SEPTIN9: variants seen among roughly 807,000 people sequenced by gnomAD.
SEPTIN9 encodes the protein septin-9.
SEPTIN9 carries 13 observed loss-of-function variants against 56.6 expected under a neutral mutation model. That is an observed-to-expected ratio of 0.23 (90% CI 0.15 to 0.37). The LOEUF (loss-of-function observed/expected upper bound fraction) is 0.37. Among genes scored for constraint, SEPTIN9 ranks in the 10% least tolerant of loss-of-function variants. SEPTIN9 has a pLI of 1.00. For missense variants in SEPTIN9, 650 were observed against 823.1 expected (o/e 0.79, Z 2.57); for synonymous variants, 332 against 334.1 (o/e 0.99, Z 0.07).
intron 2 of SEPTIN9, among the ~76,000 whole-genome samples, chr17:77,333,478 C>T (rs1378199171): frequency 1.3e-5 from 2 of 152,346 alleles, no homozygotes; most frequent in South Asian, 2.1e-4. Flanking sequence ...CCTCCTGCCT[C>T]TGCCTCCCCA....
chr17:77,376,441 C>A, intron 2 of SEPTIN9: 1 of 970,596 alleles, frequency 1.0e-6, no homozygotes, highest in Non-Finnish European at 1.2e-6. Flanking sequence ...CTCCTTACAG[C>A]GCTGGGATGG....
Position 77,319,990 on chromosome 17 carries a change from G to C in SEPTIN9, c.76+12793G>C, listed in dbSNP as rs367749793. 5 of 1,231,582 alleles carry C rather than the reference G, an allele frequency of 4.1e-6. No individual in the cohort carries two copies. The highest frequency in any genetic ancestry group is 7.9e-5 in the Admixed American group (2 of 25,468). The allele number at this position is 1,231,582 out of a possible 1,614,324, so 76.3% of individuals were successfully genotyped here. A position where few individuals can be genotyped will look rare whatever the true frequency, so the allele number is the denominator to read the frequency against. On this transcript the variant is annotated intron_variant, in intron 2 of 11. Coordinates refer to ENST00000427177, the MANE Select transcript of SEPTIN9 (RefSeq NM_001113491.2). The surrounding 1 kb of genome is among the most constrained non-coding windows in gnomAD (Gnocchi z 5.3). The stretch of plus-strand genomic sequence containing the variant: ...CTCTGGGACTCTCGCAGGCAGACCC[G>C]GTGGTCTGCCGGACTCCTCGGGGCC...
At chr17:77,460,375 G>A (rs763465286) in intron 3 of SEPTIN9, among the ~76,000 whole-genome samples, 2 of 152,112 alleles carry the variant, frequency 1.3e-5, no homozygotes, top group African/African-American at 2.4e-5. Context: ...GGTGCTCCCC[G>A]AGGACTGCTG....
rs1344268325 is a variant in SEPTIN9, at chr17:77,499,530, G to T, written c.*872G>T. The T allele has an allele frequency of 2.2e-6, 1 of 464,374 alleles. No individual in the cohort carries two copies. The highest frequency in any genetic ancestry group is 1.9e-5 in the African/African-American group (1 of 51,716). The allele number at this position is 464,374 out of a possible 1,614,324, so 28.8% of individuals were successfully genotyped here. On this transcript the variant is annotated 3_prime_UTR_variant, in exon 12 of 12. Coordinates refer to ENST00000427177, the MANE Select transcript of SEPTIN9 (RefSeq NM_001113491.2). ...AGTCTGGTGGAGGAGCTGAGGGAGGGAGCCATGGAAGGTGCCAGAAGGAAG... is the reference window on the plus strand; with the variant it reads ...AGTCTGGTGGAGGAGCTGAGGGAGGTAGCCATGGAAGGTGCCAGAAGGAAG...
chr17:77,442,044 TCAC>T, intron 3 of SEPTIN9: 1 of 152,292 alleles, frequency 6.6e-6, no homozygotes, highest in East Asian at 1.9e-4. Flanking sequence ...ACAGATTTAA[TCAC>T]ATACGTATGG....
At chr17:77,484,885 T>G (rs1256398006) in intron 4 of SEPTIN9, among the ~76,000 whole-genome samples, 11 of 64,750 alleles carry the variant, frequency 1.7e-4, no homozygotes, top group African/African-American at 2.5e-4. Flanking sequence ...TGGTTGTGAT[T>G]GTGATGGTGG....
chr17:77,433,680 G>A lies in SEPTIN9; in HGVS notation c.721+30977G>A, dbSNP rs1351562571. Among the ~76,000 whole-genome samples the A allele has an allele frequency of 6.6e-6, 1 of 152,182 alleles. No individual in the cohort carries two copies. Among genetic ancestry groups the A allele is most frequent in the African/African-American group, 2.4e-5 (1 of 41,456 alleles). Reference sequence around the variant, plus strand: ...ATCTAGCTGCCCGTGGACAGGCTGTGAGTGAATCTGCAGAGGAAGGGAGAT... The same window carrying A: ...ATCTAGCTGCCCGTGGACAGGCTGTAAGTGAATCTGCAGAGGAAGGGAGAT... On this transcript the variant is annotated intron_variant, in intron 3 of 11. Transcript: ENST00000427177. The surrounding 1 kb of genome is among the most constrained non-coding windows in gnomAD (Gnocchi z 6.4).
chr17:77,369,519 C>T lies in SEPTIN9; in HGVS notation c.77-32540C>T, dbSNP rs913913522. Among the ~76,000 whole-genome samples, 2 of 152,156 alleles carry T rather than the reference C, an allele frequency of 1.3e-5. No homozygotes were observed. The highest frequency in any genetic ancestry group is 2.9e-5 in the Non-Finnish European group (2 of 68,038). ...TGAGCAACTAGGTGGATGGTAGCAC[C>T]GTTTCCTAAGATGAGGGGCTGTGGG... On this transcript the variant is annotated intron_variant, in intron 2 of 11. Coordinates refer to ENST00000427177, the MANE Select transcript of SEPTIN9 (RefSeq NM_001113491.2). This position sits in a 1 kb window ranked among gnomAD's most constrained non-coding sequence, Gnocchi z 4.9.
Position 77,361,923 on chromosome 17 carries a change from C to T in SEPTIN9, c.77-40136C>T, listed in dbSNP as rs902722114. The stretch of plus-strand genomic sequence containing the variant: ...CTGGGATTACAGGCGTGAGCCACCG[C>T]GCCCGGCCAAGTGGTCAGTTTTCTC... On this transcript the variant is annotated intron_variant, in intron 2 of 11. Coordinates refer to ENST00000427177, the MANE Select transcript of SEPTIN9 (RefSeq NM_001113491.2). 3.7e-4 allele frequency among the ~76,000 whole-genome samples: 56 copies of T among 152,250 alleles called. 1 individual carries two copies. The highest frequency in any genetic ancestry group is 1.5e-4 in the Non-Finnish European group (10 of 68,046).
chr17:77,454,752 C>T (rs975363204), intron 3 of SEPTIN9, among the ~76,000 whole-genome samples: 4 of 152,252 alleles, frequency 2.6e-5, no homozygotes, highest in Non-Finnish European at 4.4e-5. Flanking sequence ...CCCACCCCAC[C>T]GGGCCCCGGA....
chr17:77,360,274 AT>A (rs1461554109), intron 2 of SEPTIN9, among the ~76,000 whole-genome samples: 1 of 151,888 alleles, frequency 6.6e-6, no homozygotes, highest in African/African-American at 2.4e-5. Flanking sequence ...TGGGCAGTTG[AT>A]TGGGTCAGCC....
chr17:77,351,794 G>A (rs925601722), intron 2 of SEPTIN9, among the ~76,000 whole-genome samples: 5 of 152,242 alleles, frequency 3.3e-5, no homozygotes, highest in African/African-American at 9.6e-5. Context: ...CCAGAGCCCC[G>A]GCATCAGATG....
At position 77,435,533 on chromosome 17, in the gene SEPTIN9, TG is replaced by T. The variant is rs1337954027; in HGVS notation, c.721+32832del. ...CAGTGCCGCCTGCCCTACACCTGAT[TG>T]GCAGCAGAGTGGCCCCTCCTTGGTG... On this transcript the variant is annotated intron_variant, in intron 3 of 11. Transcript: ENST00000427177. This position sits in a 1 kb window ranked among gnomAD's most constrained non-coding sequence, Gnocchi z 4.5. 2.0e-4 allele frequency among the ~76,000 whole-genome samples: 31 copies of T among 152,282 alleles called. No homozygotes were observed. Among genetic ancestry groups the T allele is most frequent in the African/African-American group, 7.0e-4 (29 of 41,552 alleles).
intron 2 of SEPTIN9, among the ~76,000 whole-genome samples, chr17:77,345,864 A>ATG (rs1264246392): frequency 6.6e-6 from 1 of 152,186 alleles, no homozygotes. Flanking sequence ...GCCTGGCAGG[A>ATG]TGTATGCAGA....
chr17:77,401,654 G>C (rs532784501), intron 2 of SEPTIN9, among the ~76,000 whole-genome samples: 2 of 152,130 alleles, frequency 1.3e-5, no homozygotes, highest in East Asian at 3.9e-4. Context: ...GCTGAGGTAG[G>C]AGAATCGCTT....
intron 4 of SEPTIN9, among the ~76,000 whole-genome samples, chr17:77,484,333 T>C (rs987823629): frequency 9.4e-6 from 1 of 106,302 alleles, no homozygotes; most frequent in Admixed American, 8.9e-5. Context: ...GTGGTGGTGG[T>C]GGTGATGGAG....
At position 77,317,862 on chromosome 17, in the gene SEPTIN9, C is replaced by T. The variant is rs965413296; in HGVS notation, c.76+10665C>T. Among the ~76,000 whole-genome samples, 3 of 151,874 alleles carry T rather than the reference C, an allele frequency of 2.0e-5. No homozygotes were observed. The highest frequency in any genetic ancestry group is 4.4e-5 in the Non-Finnish European group (3 of 67,990). On this transcript the variant is annotated intron_variant, in intron 2 of 11. Coordinates refer to ENST00000427177, the MANE Select transcript of SEPTIN9 (RefSeq NM_001113491.2). The surrounding 1 kb of genome is among the most constrained non-coding windows in gnomAD (Gnocchi z 4.2). The stretch of plus-strand genomic sequence containing the variant: ...GGTCAGGAGTTCAAGATCAGCCTGG[C>T]CAATATGGTGAAACCCCGTTTCTAC...
rs566881550 is a variant in SEPTIN9, at chr17:77,455,403, G to A, written c.722-26741G>A. On this transcript the variant is annotated intron_variant, in intron 3 of 11. Coordinates refer to ENST00000427177, the MANE Select transcript of SEPTIN9 (RefSeq NM_001113491.2). ...GCCCCCGGCAGGGCCTGCTGCCCCC[G>A]CCCTGCTCTGTGGGTGCCAGGCTCC... 1.8e-4 allele frequency among the ~76,000 whole-genome samples: 28 copies of A among 152,326 alleles called. 1 individual carries two copies. The East Asian group carries it at 3.9e-3, about 21-fold the overall frequency.
Position 77,487,635 on chromosome 17 carries a change from ACAGT to A in SEPTIN9, c.1042+88_1042+91del. 9.1e-7 allele frequency: 1 copy of A among 1,101,954 alleles called. No homozygotes were observed. Among genetic ancestry groups the A allele is most frequent in the South Asian group, 1.4e-5 (1 of 73,454 alleles). The allele number at this position is 1,101,954 out of a possible 1,614,324, so 68.3% of individuals were successfully genotyped here. A position where few individuals can be genotyped will look rare whatever the true frequency, so the allele number is the denominator to read the frequency against. ...GGGTTGGGGGTCAAGACCATCACACACAGTCAGTGGCCAGGGGCGGGCTGGGGGT... is the reference window on the plus strand; with the variant it reads ...GGGTTGGGGGTCAAGACCATCACACACAGTGGCCAGGGGCGGGCTGGGGGT... On this transcript the variant is annotated intron_variant, in intron 5 of 11. Transcript: ENST00000427177. This position sits in a 1 kb window ranked among gnomAD's most constrained non-coding sequence, Gnocchi z 4.3.
Sources: allele counts gnomAD v4.1 joint callset (sites outside exome capture counted in the v4.1 genomes callset), GRCh38; gene constraint gnomAD v4.1.1; non-coding constraint Gnocchi (gnomAD v3.1); transcripts MANE v1.5; gene names NCBI Gene and HGNC (gene_info 2026-07-23, HGNC 2026-07-21).